PCDHA11: variants seen among roughly 807,000 people sequenced by gnomAD.
PCDHA11 encodes protocadherin alpha-11.
A neutral mutation model predicts 70.3 loss-of-function variants in PCDHA11; 61 were observed. The ratio of observed to expected loss-of-function variants is 0.87; its 90% CI spans 0.71 to 1.07. PCDHA11 has a LOEUF of 1.07. Ranked by LOEUF, PCDHA11 falls within the 50% of genes least tolerant of loss-of-function variation. The probability of loss-of-function intolerance (pLI) is 0.00; values close to 1 mark genes in which losing one functional copy is unlikely to be tolerated. For missense variants in PCDHA11, 1,324 were observed against 1,237.5 expected (o/e 1.07, Z -1.05); for synonymous variants, 633 against 555.1 (o/e 1.14, Z -1.97).
At chr5:140,939,960 T>G (rs1216904868) in intron 1 of PCDHA11, among the ~76,000 whole-genome samples, 2 of 152,258 alleles carry the variant, frequency 1.3e-5, no homozygotes, top group African/African-American at 2.4e-5. Context: ...TATGTTAAAG[T>G]GTTCCACGAT....
Position 140,884,409 on chromosome 5 carries a change from C to G in PCDHA11, c.2391+12915C>G, listed in dbSNP as rs373513056. The G allele has an allele frequency of 2.7e-5, 43 of 1,613,874 alleles. No individual in the cohort carries two copies. The highest frequency in any genetic ancestry group is 4.0e-5 in the African/African-American group (3 of 74,930). On this transcript the variant is annotated intron_variant, in intron 1 of 3. Coordinates refer to ENST00000398640, the MANE Select transcript of PCDHA11 (RefSeq NM_018902.5). ...GCGGTGTCCAGCCTGTTGGTGCTCA[C>G]GTTGCTGCTGTATACTGCGCTGCGG...
intron 1 of PCDHA11, among the ~76,000 whole-genome samples, chr5:140,881,688 T>C (rs2153380887): frequency 6.6e-6 from 1 of 152,368 alleles, no homozygotes; most frequent in Middle Eastern, 3.4e-3. Flanking sequence ...TATGTTTCCT[T>C]TTGGAGTCAA....
At chr5:140,946,151 C>T (rs943826321) in intron 1 of PCDHA11, among the ~76,000 whole-genome samples, 6 of 151,694 alleles carry the variant, frequency 4.0e-5, no homozygotes, top group East Asian at 1.9e-4. Context: ...ACAAATAACA[C>T]GATTTAAAAG....
intron 1 of PCDHA11, among the ~76,000 whole-genome samples, chr5:140,948,792 T>C (rs1215416836): frequency 6.6e-6 from 1 of 151,646 alleles, no homozygotes; most frequent in Non-Finnish European, 1.5e-5. Context: ...TTTGTTGATA[T>C]ATTTTCTATT....
intron 3 of PCDHA11, among the ~76,000 whole-genome samples, chr5:140,997,836 A>G (rs1335199291): frequency 3.3e-5 from 5 of 152,222 alleles, no homozygotes; most frequent in South Asian, 4.1e-4. Flanking sequence ...AAACAATACA[A>G]TATACATTCT....
chr5:140,984,419 T>C (rs564096734), intron 3 of PCDHA11, among the ~76,000 whole-genome samples: 5 of 152,290 alleles, frequency 3.3e-5, no homozygotes, highest in African/African-American at 9.6e-5. Context: ...TTTACAGAGA[T>C]AGAGAAGGGG....
chr5:140,968,465 G>A lies in PCDHA11; in HGVS notation c.2392-10484G>A, dbSNP rs782606184. On this transcript the variant is annotated intron_variant, in intron 1 of 3. Coordinates refer to ENST00000398640, the MANE Select transcript of PCDHA11 (RefSeq NM_018902.5). ...ACTGAGCAGCACTGTGACTGCCAACGTATATGTGGTGGACATGAATGACCA... is the reference window on the plus strand; with the variant it reads ...ACTGAGCAGCACTGTGACTGCCAACATATATGTGGTGGACATGAATGACCA... 78 of 1,614,004 alleles carry A rather than the reference G, an allele frequency of 4.8e-5. No individual in the cohort carries two copies. Among genetic ancestry groups the A allele is most frequent in the Non-Finnish European group, 6.1e-5 (72 of 1,180,028 alleles).
At chr5:140,927,679 G>A (rs782403424) in intron 1 of PCDHA11, 11 of 1,614,188 alleles carry the variant, frequency 6.8e-6, no homozygotes, top group Non-Finnish European at 5.1e-6. Flanking sequence ...TCCAGATGAA[G>A]GGTCCAATGG....
chr5:140,946,631 T>TATATATATATATATATATACAC lies in PCDHA11; in HGVS notation c.2392-32317_2392-32316insTATATATATATATATATACACA, dbSNP rs57893927. Among the ~76,000 whole-genome samples the TATATATATATATATATATACAC allele has an allele frequency of 6.1e-4, 80 of 131,840 alleles. 1 individual carries two copies. The East Asian group carries it at 6.6e-3, about 11-fold the overall frequency. The allele number at this position is 131,840 out of a possible 152,430, so 86.5% of individuals were successfully genotyped here. A position where few individuals can be genotyped will look rare whatever the true frequency, so the allele number is the denominator to read the frequency against. ...TGTGAAATATATATATATATATATATACAATGGAATACTCATCAGCCATTA... is the reference window on the plus strand; with the variant it reads ...TGTGAAATATATATATATATATATATATATATATATATATATATACACACAATGGAATACTCATCAGCCATTA... On this transcript the variant is annotated intron_variant, in intron 1 of 3. Transcript: ENST00000398640.
intron 1 of PCDHA11, among the ~76,000 whole-genome samples, chr5:140,907,756 C>A (rs183321184): frequency 6.6e-6 from 1 of 152,146 alleles, no homozygotes; most frequent in African/African-American, 2.4e-5. Flanking sequence ...TGTTCATGGG[C>A]CCATTGGGTG....
At chr5:140,884,498 G>C in intron 1 of PCDHA11, 5 of 1,614,076 alleles carry the variant, frequency 3.1e-6, no homozygotes, top group Non-Finnish European at 4.2e-6. Context: ...GTGCTCCAGC[G>C]CGGCAGGGAG....
At position 140,969,226 on chromosome 5, in the gene PCDHA11, G is replaced by A. The variant is rs145631723; in HGVS notation, c.2392-9723G>A. 3.9e-4 allele frequency: 622 copies of A among 1,614,150 alleles called. 3 individuals are homozygous for A. The African/African-American group carries it at 5.9e-3, about 15-fold the overall frequency. On this transcript the variant is annotated intron_variant, in intron 1 of 3. Transcript: ENST00000398640. Reference sequence around the variant, plus strand: ...GGGCCCAGACAGGACCAGGGCCTTCGGGAGCCCAAGCAGCAGTGACTGACA... The same window carrying A: ...GGGCCCAGACAGGACCAGGGCCTTCAGGAGCCCAAGCAGCAGTGACTGACA...
In PCDHA11 at chr5:140,870,839, T is replaced by C. The variant is rs1358609489; in HGVS notation, c.1736T>C (p.Leu579Pro). The C allele has an allele frequency of 1.9e-6, 3 of 1,613,690 alleles. No homozygotes were observed. The highest frequency in any genetic ancestry group is 1.1e-5 in the South Asian group (1 of 91,078). The change falls in exon 1 of 4, where the codon CTA (leucine) becomes CCA (proline). Residue 579 changes from leucine (L) to proline (P), a missense_variant. By Grantham distance (98) the Leu-to-Pro change is moderately conservative. Coordinates refer to ENST00000398640, the MANE Select transcript of PCDHA11 (RefSeq NM_018902.5). ...AGSAGGAVNK[L>P]VPRSVGAGHV... The stretch of plus-strand genomic sequence containing the variant: ...AGCGCGGGAGGCGCAGTTAACAAGC[T>C]AGTACCGCGGTCGGTGGGTGCGGGC...
At chr5:141,002,726 A>C (rs1488452359) in intron 3 of PCDHA11, among the ~76,000 whole-genome samples, 1 of 152,250 alleles carries the variant, frequency 6.6e-6, no homozygotes, top group Non-Finnish European at 1.5e-5. Context: ...GGAAGGGCAC[A>C]GTAAATGTTA....
intron 1 of PCDHA11, chr5:140,968,394 G>T: frequency 6.2e-7 from 1 of 1,613,940 alleles, no homozygotes; most frequent in Non-Finnish European, 8.5e-7. Context: ...GAGAAGTTTC[G>T]GGAGTTCTTT....
intron 3 of PCDHA11, among the ~76,000 whole-genome samples, chr5:140,994,778 G>A (rs1488910527): frequency 1.3e-5 from 2 of 152,152 alleles, no homozygotes; most frequent in Non-Finnish European, 2.9e-5. Flanking sequence ...TCCAGGCAAA[G>A]GAAACAATGC....
chr5:140,874,547 G>C (rs2054980934), intron 1 of PCDHA11, among the ~76,000 whole-genome samples: 1 of 152,190 alleles, frequency 6.6e-6, no homozygotes, highest in Non-Finnish European at 1.5e-5. Context: ...AACCCTTTAA[G>C]AGATCTTTCG....
intron 3 of PCDHA11, among the ~76,000 whole-genome samples, chr5:140,985,651 T>A (rs1413086230): frequency 6.6e-6 from 1 of 151,992 alleles, no homozygotes; most frequent in Non-Finnish European, 1.5e-5. Context: ...ACACTTGCAA[T>A]GGCTGAATAA....
chr5:140,876,118 G>A (rs2153337008), intron 1 of PCDHA11: 1 of 1,613,926 alleles, frequency 6.2e-7, no homozygotes, highest in South Asian at 1.1e-5. Flanking sequence ...GATGGTAATC[G>A]ATGGCGGTAA....
Sources: allele counts gnomAD v4.1 joint callset (sites outside exome capture counted in the v4.1 genomes callset), GRCh38; gene constraint gnomAD v4.1.1; transcripts MANE v1.5; gene names NCBI Gene and HGNC (gene_info 2026-07-23, HGNC 2026-07-21).